The following TNFSF13B variants were observed in gnomAD, a reference collection of about 807,000 sequenced individuals.
TNFSF13B encodes TNF superfamily member 13b.
Under a neutral mutation model 29.1 loss-of-function variants are expected in TNFSF13B, and 8 were observed. The ratio of observed to expected loss-of-function variants is 0.27; its 90% CI spans 0.16 to 0.50. The LOEUF is 0.50. Ranked by LOEUF, TNFSF13B falls within the 20% of genes least tolerant of loss-of-function variation. The pLI, the probability that TNFSF13B is intolerant of heterozygous loss-of-function variation, is 0.98. For missense variants in TNFSF13B, 248 were observed against 334.9 expected, an observed-to-expected ratio of 0.74 and a Z score of 2.03; for synonymous variants, 125 against 130.8, an observed-to-expected ratio of 0.96 and a Z score of 0.30.
chr13:108,285,058 T>G (rs1881084347), intron 2 of TNFSF13B, among the ~76,000 whole-genome samples: 1 of 152,168 alleles, frequency 6.6e-6, no homozygotes. Flanking sequence ...TGGATACCTT[T>G]CTTGTATAAG....
chr13:108,279,971 G>A (rs1594519552), intron 2 of TNFSF13B, among the ~76,000 whole-genome samples: 1 of 151,598 alleles, frequency 6.6e-6, no homozygotes, highest in South Asian at 2.1e-4. Flanking sequence ...CGGGCACCAA[G>A]AATTAAAGTT....
At chr13:108,278,632 T>TTCTC (rs1566399434) in intron 2 of TNFSF13B, among the ~76,000 whole-genome samples, 2 of 8,854 alleles carry the variant, frequency 2.3e-4, no homozygotes, top group Non-Finnish European at 4.5e-4. Context: ...TCCTCCTCCC[T>TTCTC]TTCCTCCTCC....
intron 2 of TNFSF13B, among the ~76,000 whole-genome samples, chr13:108,270,744 A>G (rs992965628): frequency 1.3e-5 from 2 of 152,146 alleles, no homozygotes; most frequent in African/African-American, 2.4e-5. Context: ...ATGCCCTCCC[A>G]TGTGAGAAGC....
At chr13:108,301,232 CAA>C (rs1386339186) in intron 3 of TNFSF13B, 3 of 152,168 alleles carry the variant, frequency 2.0e-5, no homozygotes, top group African/African-American at 7.2e-5. Flanking sequence ...ATCAGTGTGT[CAA>C]AGAGATATCT....
At chr13:108,286,216 T>G (rs1369056888) in intron 2 of TNFSF13B, among the ~76,000 whole-genome samples, 1 of 152,234 alleles carries the variant, frequency 6.6e-6, no homozygotes, top group East Asian at 1.9e-4. Context: ...CTGTCTCTGA[T>G]TCCTGAACAA....
chr13:108,275,905 A>G (rs1880750838), intron 2 of TNFSF13B, among the ~76,000 whole-genome samples: 1 of 152,166 alleles, frequency 6.6e-6, no homozygotes, highest in African/African-American at 2.4e-5. Flanking sequence ...ACATTTTTTA[A>G]ATTAAAATTT....
chr13:108,306,924 T>C lies in TNFSF13B; in HGVS notation c.844T>C (p.Leu282=), dbSNP rs780651503. The C allele has an allele frequency of 6.2e-6, 10 of 1,604,208 alleles. No homozygotes were observed. The African/African-American group carries it at 1.4e-4, about 22-fold the overall frequency. The change falls in exon 6 of 6, where the codon TTG becomes CTG. Residue 282 remains leucine, a synonymous_variant. Coordinates refer to ENST00000375887, the MANE Select transcript of TNFSF13B (RefSeq NM_006573.5). The part of the protein sequence containing the change: ...LDGDVTFFGA[L]KLL ...TGGAGATGTCACATTTTTTGGTGCATTGAAACTGCTGTGACCTACTTACAC... is the reference window on the plus strand; with the variant it reads ...TGGAGATGTCACATTTTTTGGTGCACTGAAACTGCTGTGACCTACTTACAC...
intron 3 of TNFSF13B, 128 bp downstream of exon 3, chr13:108,286,987 T>A (rs1266438714): frequency 2.5e-6 from 1 of 408,014 alleles, no homozygotes; most frequent in East Asian, 5.7e-5. Flanking sequence ...GTTCATGTCC[T>A]TTGTAGGGAC....
In TNFSF13B at chr13:108,303,236, G is replaced by T; in HGVS notation, c.482-17G>T. On this transcript the variant is annotated splice_polypyrimidine_tract_variant and intron_variant, in intron 3 of 5. Transcript: ENST00000375887. ...TTTCTTGGTTTCTTTCCTTATAAAT[G>T]ATTCTCTTCATTGCAGGATCTTACA... The T allele has an allele frequency of 1.3e-6, 2 of 1,554,772 alleles. No homozygotes were observed. Among genetic ancestry groups the T allele is most frequent in the South Asian group, 1.2e-5 (1 of 84,208 alleles).
chr13:108,271,100 C>T (rs986734248), intron 2 of TNFSF13B, among the ~76,000 whole-genome samples: 2 of 151,954 alleles, frequency 1.3e-5, no homozygotes, highest in East Asian at 1.9e-4. Flanking sequence ...GCTCATTCCA[C>T]GGAACTTTAC....
intron 2 of TNFSF13B, among the ~76,000 whole-genome samples, chr13:108,273,387 T>G (rs1376722717): frequency 6.6e-6 from 1 of 152,230 alleles, no homozygotes; most frequent in Non-Finnish European, 1.5e-5. Flanking sequence ...GATACTGGTC[T>G]ATTTTCTTAT....
At chr13:108,280,715 G>C (rs1465590131) in intron 2 of TNFSF13B, among the ~76,000 whole-genome samples, 1 of 148,378 alleles carries the variant, frequency 6.7e-6, no homozygotes, top group Non-Finnish European at 1.5e-5. Flanking sequence ...TCATGATAAT[G>C]CTTTTTTTTT....
At position 108,306,816 on chromosome 13, in the gene TNFSF13B, T is replaced by A; in HGVS notation, c.746-10T>A. 6.5e-7 allele frequency: 1 copy of A among 1,545,742 alleles called. No homozygotes were observed. Among genetic ancestry groups the A allele is most frequent in the East Asian group, 2.3e-5 (1 of 44,352 alleles). On this transcript the variant is annotated splice_polypyrimidine_tract_variant and intron_variant, in intron 5 of 5. Transcript: ENST00000375887. ...ACCACTTATAGTTCTTGTAAATCAT[T>A]TTTTCCCAGGCATTGCAAAACTGGA...
rs1394006251 is a variant in TNFSF13B, at chr13:108,307,139, A to T, written c.*201A>T. On this transcript the variant is annotated 3_prime_UTR_variant, in exon 6 of 6. Coordinates refer to ENST00000375887, the MANE Select transcript of TNFSF13B (RefSeq NM_006573.5). Reference sequence around the variant, plus strand: ...ATTTAACAGACAGCCACAGCCAAAGAGTGTCATGTGAATTACAAGAAATAG... The same window carrying T: ...ATTTAACAGACAGCCACAGCCAAAGTGTGTCATGTGAATTACAAGAAATAG... 2 of 478,276 alleles carry T rather than the reference A, an allele frequency of 4.2e-6. No homozygotes were observed. Among genetic ancestry groups the T allele is most frequent in the African/African-American group, 4.1e-5 (2 of 48,540 alleles). The allele number at this position is 478,276 out of a possible 1,614,324, so 29.6% of individuals were successfully genotyped here.
At chr13:108,293,886 A>G (rs1430413717) in intron 3 of TNFSF13B, among the ~76,000 whole-genome samples, 1 of 152,178 alleles carries the variant, frequency 6.6e-6, no homozygotes, top group Non-Finnish European at 1.5e-5. Context: ...CTTTTCTTAT[A>G]AGGACATTAA....
At chr13:108,304,559 G>A (rs768874659) in intron 5 of TNFSF13B, among the ~76,000 whole-genome samples, 19 of 152,036 alleles carry the variant, frequency 1.2e-4, no homozygotes, top group Admixed American at 7.9e-4. Flanking sequence ...ATTAATCCAG[G>A]CTGGTTTTGC....
intron 5 of TNFSF13B, among the ~76,000 whole-genome samples, chr13:108,304,274 A>G (rs146570395): frequency 1.3e-5 from 2 of 151,952 alleles, no homozygotes; most frequent in East Asian, 3.9e-4. Context: ...AGTGGACACC[A>G]GACAGGAGAA....
intron 5 of TNFSF13B, among the ~76,000 whole-genome samples, chr13:108,306,518 T>A (rs755728917): frequency 6.6e-6 from 1 of 152,164 alleles, no homozygotes; most frequent in East Asian, 1.9e-4. Context: ...TAATATTCTA[T>A]CAAGGGATGT....
In TNFSF13B at chr13:108,307,016, C is replaced by CAAAAA. The variant is rs58093140; in HGVS notation, c.*105_*109dup. On this transcript the variant is annotated 3_prime_UTR_variant, in exon 6 of 6. Coordinates refer to ENST00000375887, the MANE Select transcript of TNFSF13B (RefSeq NM_006573.5). ...GAAGAAAGAATCTAACTGAAAATAC[C>CAAAAA]AAAAAAAAAAAAAAAAAAAAAAAAA... 17 of 76,690 alleles carry CAAAAA rather than the reference C, an allele frequency of 2.2e-4. 1 individual carries two copies. Among genetic ancestry groups the CAAAAA allele is most frequent in the Non-Finnish European group, 2.9e-4 (12 of 40,980 alleles). 4.8% of individuals were successfully genotyped at this position (76,690 alleles called of 1,614,324 possible). A position where few individuals can be genotyped will look rare whatever the true frequency, so the allele number is the denominator to read the frequency against.
Sources: gnomAD v4.1 joint callset for allele counts (sites outside exome capture counted in the v4.1 genomes callset) on GRCh38, gnomAD v4.1.1 for gene constraint, MANE v1.5 for transcripts, NCBI Gene and HGNC (gene_info 2026-07-23, HGNC 2026-07-21) for gene names.